Variants in NALF1 observed in about 807,000 individuals in gnomAD.
NALF1 encodes the protein family with sequence similarity 155 member A.
A neutral mutation model predicts 48.4 loss-of-function variants in NALF1; 3 were observed. The observed-to-expected ratio is 0.06, with a 90% CI of 0.03 to 0.16. The LOEUF is 0.16. Ranked by LOEUF, NALF1 falls within the 10% of genes least tolerant of loss-of-function variation. The pLI, the probability that NALF1 is intolerant of heterozygous loss-of-function variation, is 1.00. For synonymous variants in NALF1, 262 were observed against 245.7 expected (o/e 1.07, Z -0.62); for missense variants, 526 against 571.5 (o/e 0.92, Z 0.81).
At chr13:107,191,495 G>A (rs532831556) in intron 2 of NALF1, among the ~76,000 whole-genome samples, 3 of 152,000 alleles carry the variant, frequency 2.0e-5, no homozygotes, top group Non-Finnish European at 4.4e-5. Flanking sequence ...CTATTAAACT[G>A]AGAAAATTTT....
chr13:107,493,620 G>A (rs894065226), intron 1 of NALF1, among the ~76,000 whole-genome samples: 14 of 152,090 alleles, frequency 9.2e-5, no homozygotes, highest in East Asian at 3.8e-4. Flanking sequence ...GCAGTGACTC[G>A]CAAATGCAAT....
chr13:107,326,457 T>C (rs1045229728), intron 1 of NALF1, among the ~76,000 whole-genome samples: 2 of 152,148 alleles, frequency 1.3e-5, no homozygotes, highest in African/African-American at 4.8e-5. Context: ...AAGTGAATTA[T>C]ATGCATCATT....
At chr13:107,355,308 T>C (rs1235489991) in intron 1 of NALF1, among the ~76,000 whole-genome samples, 1 of 152,172 alleles carries the variant, frequency 6.6e-6, no homozygotes, top group South Asian at 2.1e-4. Context: ...AGGAGGGCAA[T>C]GAATTAAGTT....
chr13:107,644,638 C>CATATATATATATATAT (rs1170442694), intron 1 of NALF1, among the ~76,000 whole-genome samples: 67 of 43,348 alleles, frequency 1.5e-3, no homozygotes, highest in East Asian at 8.3e-3. Flanking sequence ...TACATACATA[C>CATATATATATATATAT]ATACATACAT....
intron 1 of NALF1, among the ~76,000 whole-genome samples, chr13:107,312,432 G>A (rs1288392143): frequency 6.6e-6 from 1 of 151,466 alleles, no homozygotes; most frequent in African/African-American, 2.4e-5. Flanking sequence ...TGGGGTGGGG[G>A]AAGGGGGGAG....
chr13:107,745,110 G>A (rs1876749481), intron 1 of NALF1, among the ~76,000 whole-genome samples: 2 of 152,210 alleles, frequency 1.3e-5, no homozygotes, highest in Non-Finnish European at 2.9e-5. Flanking sequence ...AAGGTCTGTA[G>A]CACTAATACC....
At chr13:107,578,938 G>A (rs1246827421) in intron 1 of NALF1, among the ~76,000 whole-genome samples, 1 of 152,152 alleles carries the variant, frequency 6.6e-6, no homozygotes, top group Admixed American at 6.6e-5. Context: ...CATCTTCCAT[G>A]TATAAGCCAT....
chr13:107,605,357 G>A (rs1285369226), intron 1 of NALF1, among the ~76,000 whole-genome samples: 2 of 152,034 alleles, frequency 1.3e-5, no homozygotes, highest in Admixed American at 1.3e-4. Flanking sequence ...TTCATCAGGC[G>A]TCATAACCAA....
At chr13:107,388,159 T>C (rs553034722) in intron 1 of NALF1, among the ~76,000 whole-genome samples, 2 of 152,334 alleles carry the variant, frequency 1.3e-5, no homozygotes, top group East Asian at 3.9e-4. Flanking sequence ...GTTCCCAGAA[T>C]TTCCCTTATA....
chr13:107,686,087 C>T (rs998001422), intron 1 of NALF1, among the ~76,000 whole-genome samples: 8 of 152,270 alleles, frequency 5.3e-5, no homozygotes, highest in African/African-American at 1.2e-4. Flanking sequence ...CGGCGGGGGC[C>T]GGGGGCCAGC....
chr13:107,837,351 C>T (rs967887218), intron 1 of NALF1, among the ~76,000 whole-genome samples: 12 of 152,188 alleles, frequency 7.9e-5, no homozygotes, highest in African/African-American at 2.7e-4. Flanking sequence ...TATGCTTGGG[C>T]ATCCCCTCCA....
intron 1 of NALF1, among the ~76,000 whole-genome samples, chr13:107,481,814 G>C (rs1274024718): frequency 6.6e-6 from 1 of 152,110 alleles, no homozygotes; most frequent in East Asian, 1.9e-4. Flanking sequence ...TTTTTGAGAG[G>C]AGTCCTCTGC....
intron 1 of NALF1, among the ~76,000 whole-genome samples, chr13:107,748,237 A>C (rs1876838131): frequency 6.6e-6 from 1 of 152,180 alleles, no homozygotes; most frequent in Non-Finnish European, 1.5e-5. Context: ...CTCAGTAGGC[A>C]ATTTTATATT....
At chr13:107,184,936 T>C (rs1879141004) in intron 2 of NALF1, among the ~76,000 whole-genome samples, 2 of 152,166 alleles carry the variant, frequency 1.3e-5, no homozygotes, top group South Asian at 2.1e-4. Context: ...TTTACAGAGA[T>C]AACCAAGTAA....
In NALF1 at chr13:107,496,211, A is replaced by G. The variant is rs145485002; in HGVS notation, c.916-285456T>C. 1.4e-3 allele frequency among the ~76,000 whole-genome samples: 212 copies of G among 152,308 alleles called. 2 individuals are homozygous for G. Among genetic ancestry groups the G allele is most frequent in the African/African-American group, 5.0e-3 (206 of 41,568 alleles). On this transcript the variant is annotated intron_variant, in intron 1 of 2. Transcript: ENST00000375915. ...CTGAGAAAGAGCAATTTGAGATACC[A>G]TCCCATGTGTTTTGAAATGTTAAAA...
intron 1 of NALF1, among the ~76,000 whole-genome samples, chr13:107,680,529 G>A (rs1420004745): frequency 6.6e-6 from 1 of 151,810 alleles, no homozygotes. Flanking sequence ...TGTGTGAGGA[G>A]TGTGTATGTG....
intron 1 of NALF1, among the ~76,000 whole-genome samples, chr13:107,314,018 A>T (rs1882095641): frequency 6.6e-6 from 1 of 152,146 alleles, no homozygotes; most frequent in African/African-American, 2.4e-5. Context: ...ACTGATGGAG[A>T]CCTGTCTCAG....
At chr13:107,592,508 TAAG>T (rs1878627137) in intron 1 of NALF1, among the ~76,000 whole-genome samples, 1 of 151,932 alleles carries the variant, frequency 6.6e-6, no homozygotes, top group African/African-American at 2.4e-5. Context: ...TACTTAGTTC[TAAG>T]AAGAAGGGAA....
intron 1 of NALF1, among the ~76,000 whole-genome samples, chr13:107,625,784 G>A (rs976639276): frequency 2.0e-5 from 3 of 152,020 alleles, no homozygotes; most frequent in East Asian, 1.9e-4. Context: ...AACAAAACCT[G>A]TTGAAAAATG....
Sources: gnomAD v4.1 joint callset for allele counts (sites outside exome capture counted in the v4.1 genomes callset) on GRCh38, gnomAD v4.1.1 for gene constraint, MANE v1.5 for transcripts, NCBI Gene and HGNC (gene_info 2026-07-23, HGNC 2026-07-21) for gene names.